CHLSN: variants seen among roughly 807,000 people sequenced by gnomAD.
CHLSN encodes protein cholesin.
At chr7:1,025,897 G>A in the CHLSN span, 1 of 152,262 alleles carries the variant, frequency 6.6e-6, no homozygotes, top group Non-Finnish European at 1.5e-5. Flanking sequence ...ACACCCACCA[G>A]GACGCTGCCT....
chr7:1,009,147 T>C, the CHLSN span, among the ~76,000 whole-genome samples: 1 of 151,932 alleles, frequency 6.6e-6, no homozygotes, highest in Non-Finnish European at 1.5e-5. Flanking sequence ...TCCGAGGAGG[T>C]CATCTCTCCG....
At chr7:1,059,824 GGGGCGGGTCTGT>G in the CHLSN span, among the ~76,000 whole-genome samples, 3 of 85,496 alleles carry the variant, frequency 3.5e-5, no homozygotes, top group Admixed American at 1.2e-4. Context: ...GGTCTGTAGT[GGGGCGGGTCTGT>G]AGTGAGGCGG....
At chr7:1,030,411 C>T in the CHLSN span, among the ~76,000 whole-genome samples, 3 of 152,216 alleles carry the variant, frequency 2.0e-5, no homozygotes, top group Non-Finnish European at 4.4e-5. Context: ...GAGAAGCTGG[C>T]CTGGCAGTGG....
the CHLSN span, chr7:1,028,242 G>A: frequency 9.2e-7 from 1 of 1,092,450 alleles, no homozygotes; most frequent in South Asian, 2.1e-5. Flanking sequence ...TGCGGGCCCT[G>A]GCCCCGCGCA....
the CHLSN span, chr7:1,092,106 C>A: frequency 6.2e-7 from 1 of 1,613,884 alleles, no homozygotes; most frequent in Non-Finnish European, 8.5e-7. Context: ...ACTACGACAT[C>A]GCCGTCCTGT....
At chr7:1,015,130 G>A in the CHLSN span, among the ~76,000 whole-genome samples, 5 of 152,224 alleles carry the variant, frequency 3.3e-5, no homozygotes, top group Admixed American at 2.0e-4. Context: ...TTCCCCAGCC[G>A]TGGCCTCACA....
the CHLSN span, among the ~76,000 whole-genome samples, chr7:1,111,795 C>T: frequency 2.0e-5 from 3 of 150,712 alleles, no homozygotes; most frequent in Admixed American, 2.0e-4. Context: ...GAGGGAGACC[C>T]TCTCAAAAAA....
chr7:1,106,888 G>A, the CHLSN span, among the ~76,000 whole-genome samples: 4 of 152,214 alleles, frequency 2.6e-5, no homozygotes, highest in African/African-American at 7.2e-5. Context: ...AAGCCAAACC[G>A]TGGTGCAGAG....
chr7:1,129,412 C>T, the CHLSN span, among the ~76,000 whole-genome samples: 69 of 80,916 alleles, frequency 8.5e-4, 4 homozygotes, highest in African/African-American at 5.6e-3. Flanking sequence ...AGTGCAGTGG[C>T]GCCATCTCGG....
At chr7:1,084,492 G>A in the CHLSN span, among the ~76,000 whole-genome samples, 1 of 152,364 alleles carries the variant, frequency 6.6e-6, no homozygotes, top group East Asian at 1.9e-4. Flanking sequence ...GGTACTGTGA[G>A]CACCTCCAAC....
the CHLSN span, among the ~76,000 whole-genome samples, chr7:1,079,981 G>A: frequency 6.6e-6 from 1 of 152,216 alleles, no homozygotes; most frequent in South Asian, 2.1e-4. Context: ...GCTCAGGAAC[G>A]AGTCCCACAA....
chr7:980,162 C>G, the CHLSN span, among the ~76,000 whole-genome samples: 5 of 152,234 alleles, frequency 3.3e-5, no homozygotes, highest in Non-Finnish European at 7.3e-5. Context: ...AGGTGCGGGC[C>G]TGAGTTTGGA....
the CHLSN span, among the ~76,000 whole-genome samples, chr7:1,046,942 C>A: frequency 6.6e-6 from 1 of 152,236 alleles, no homozygotes; most frequent in African/African-American, 2.4e-5. Flanking sequence ...GTTAAGGCCA[C>A]GCCTAGTAAA....
the CHLSN span, among the ~76,000 whole-genome samples, chr7:999,585 A>G: frequency 6.6e-6 from 1 of 152,236 alleles, no homozygotes; most frequent in Non-Finnish European, 1.5e-5. Flanking sequence ...CCCACAAAAA[A>G]ACAAAAACAA....
the CHLSN span, among the ~76,000 whole-genome samples, chr7:1,112,161 T>C: frequency 1.3e-4 from 20 of 152,218 alleles, no homozygotes; most frequent in Non-Finnish European, 2.8e-4. Flanking sequence ...GAAATTCCAC[T>C]GACATGGAAA....
the CHLSN span, chr7:1,045,788 A>G: frequency 6.6e-6 from 1 of 152,280 alleles, no homozygotes; most frequent in Non-Finnish European, 1.5e-5. Flanking sequence ...GTTTATATGT[A>G]TTGAATACTG....
At chr7:1,023,933 T>C in the CHLSN span, among the ~76,000 whole-genome samples, 1 of 152,016 alleles carries the variant, frequency 6.6e-6, no homozygotes, top group Non-Finnish European at 1.5e-5. The surrounding 1 kb of genome is among the most constrained non-coding windows in gnomAD (Gnocchi z 5.0). Context: ...CTCGACCTCC[T>C]GGGCTCAAGC....
At chr7:995,568 C>T in the CHLSN span, among the ~76,000 whole-genome samples, 1 of 152,260 alleles carries the variant, frequency 6.6e-6, no homozygotes, top group Non-Finnish European at 1.5e-5. Flanking sequence ...GGGTCTCCCT[C>T]TGCTGTTTGT....
At chr7:1,010,122 C>T in the CHLSN span, 8,501 of 1,611,958 alleles carry the variant, frequency 5.3e-3, 299 homozygotes, top group African/African-American at 0.087. Flanking sequence ...GCGTCCAGCC[C>T]GGGCCTGAGC....
Sources: gnomAD v4.1 joint callset for allele counts (sites outside exome capture counted in the v4.1 genomes callset) on GRCh38, gnomAD v4.1.1 for gene constraint, Gnocchi (gnomAD v3.1) non-coding constraint, MANE v1.5 for transcripts, NCBI Gene and HGNC (gene_info 2026-07-23, HGNC 2026-07-21) for gene names.